CLDN16: variants seen among roughly 807,000 people sequenced by gnomAD.
CLDN16 encodes claudin-16.
Under a neutral mutation model 24.6 loss-of-function variants are expected in CLDN16, and 13 were observed. The ratio of observed to expected loss-of-function variants is 0.53; its 90% CI spans 0.34 to 0.84. The LOEUF is 0.84. CLDN16 is among the 40% of genes least tolerant of loss of function. The pLI is 0.01. For missense variants in CLDN16, 298 were observed against 292.7 expected (o/e 1.02, Z -0.13); for synonymous variants, 116 against 106.7 (o/e 1.09, Z -0.54).
At chr3:190,297,995 A>G in the CLDN16 span, among the ~76,000 whole-genome samples, 1 of 152,058 alleles carries the variant, frequency 6.6e-6, no homozygotes, top group Non-Finnish European at 1.5e-5. Context: ...AAACGCCCTA[A>G]TTCAGTTGCT....
intron 2 of CLDN16, among the ~76,000 whole-genome samples, chr3:190,371,783 C>G (rs1298819467): frequency 6.6e-6 from 1 of 151,926 alleles, no homozygotes; most frequent in Non-Finnish European, 1.5e-5. Context: ...TTTGCTCATT[C>G]CTGAACCCTA....
chr3:190,302,746 G>A, the CLDN16 span, among the ~76,000 whole-genome samples: 6 of 141,058 alleles, frequency 4.3e-5, no homozygotes, highest in African/African-American at 1.6e-4. Context: ...AATCCAGCCT[G>A]AGCAACAGGA....
the CLDN16 span, among the ~76,000 whole-genome samples, chr3:190,297,842 A>G: frequency 6.6e-6 from 1 of 150,874 alleles, no homozygotes; most frequent in Non-Finnish European, 1.5e-5. Flanking sequence ...CACATATGTC[A>G]TTTGACTTCC....
chr3:190,334,220 G>C (rs886263849), intron 1 of CLDN16, among the ~76,000 whole-genome samples: 4 of 152,238 alleles, frequency 2.6e-5, no homozygotes, highest in Non-Finnish European at 4.4e-5. Context: ...CTATACGTGT[G>C]TGTTTAGCAC....
chr3:190,295,172 T>C, the CLDN16 span, among the ~76,000 whole-genome samples: 1 of 152,182 alleles, frequency 6.6e-6, no homozygotes, highest in Non-Finnish European at 1.5e-5. Context: ...TACTTTCTCA[T>C]TTCTCTGACA....
intron 1 of CLDN16, among the ~76,000 whole-genome samples, chr3:190,334,924 C>T (rs1019613874): frequency 1.3e-5 from 2 of 152,096 alleles, no homozygotes; most frequent in Non-Finnish European, 2.9e-5. Flanking sequence ...TCTCTGGAAA[C>T]AATTTGTACT....
At chr3:190,353,227 A>G (rs925002781) in intron 1 of CLDN16, among the ~76,000 whole-genome samples, 1 of 152,018 alleles carries the variant, frequency 6.6e-6, no homozygotes, top group South Asian at 2.1e-4. Flanking sequence ...TCCAAAATTC[A>G]GAGTGACCTG....
chr3:190,354,772 G>A (rs1027826165), intron 1 of CLDN16, among the ~76,000 whole-genome samples: 2 of 152,018 alleles, frequency 1.3e-5, no homozygotes, highest in Admixed American at 6.6e-5. Context: ...AACAGCTAGC[G>A]AGAAGCAGGG....
intron 1 of CLDN16, among the ~76,000 whole-genome samples, chr3:190,390,903 A>C (rs1718639025): frequency 6.6e-6 from 1 of 152,222 alleles, no homozygotes; most frequent in East Asian, 1.9e-4. Context: ...CTCCCACCTC[A>C]GCCTCCCTAG....
intron 1 of CLDN16, among the ~76,000 whole-genome samples, chr3:190,353,619 C>G (rs534471342): frequency 6.6e-6 from 1 of 152,172 alleles, no homozygotes; most frequent in Non-Finnish European, 1.5e-5. Flanking sequence ...GCACAATATA[C>G]ACTTAAGAGT....
chr3:190,340,193 C>G (rs767240906), intron 1 of CLDN16, among the ~76,000 whole-genome samples: 1 of 152,096 alleles, frequency 6.6e-6, no homozygotes, highest in Non-Finnish European at 1.5e-5. Flanking sequence ...TATGGAAAAC[C>G]CACAGCTAAC....
upstream of CLDN16, among the ~76,000 whole-genome samples, chr3:190,320,318 G>A (rs1302023561): frequency 6.6e-6 from 1 of 152,132 alleles, no homozygotes; most frequent in African/African-American, 2.4e-5. Flanking sequence ...AGACCTCTCT[G>A]GAATTGTCCT....
the CLDN16 span, among the ~76,000 whole-genome samples, chr3:190,295,278 A>G: frequency 6.6e-6 from 1 of 152,182 alleles, no homozygotes; most frequent in South Asian, 2.1e-4. Context: ...TAAAATATCT[A>G]TGACCTGCAA....
intron 2 of CLDN16, among the ~76,000 whole-genome samples, chr3:190,404,133 A>G (rs1406097311): frequency 6.6e-6 from 1 of 152,170 alleles, no homozygotes; most frequent in Non-Finnish European, 1.5e-5. Context: ...AATATGTAAT[A>G]TTGGCCAAGA....
intron 1 of CLDN16, among the ~76,000 whole-genome samples, chr3:190,360,199 AT>A (rs1260188426): frequency 1.3e-5 from 2 of 152,052 alleles, no homozygotes; most frequent in African/African-American, 4.8e-5. Context: ...AAGGCAGAAG[AT>A]ATACAAAATT....
At chr3:190,294,787 T>C in the CLDN16 span, among the ~76,000 whole-genome samples, 1 of 152,120 alleles carries the variant, frequency 6.6e-6, no homozygotes, top group Non-Finnish European at 1.5e-5. Flanking sequence ...TAATTTAAAC[T>C]ATAAACCACA....
chr3:190,335,023 C>CTTTTTTTTTTTTTTTTTTTTTTT (rs57744577), intron 1 of CLDN16, among the ~76,000 whole-genome samples: 6 of 134,342 alleles, frequency 4.5e-5, no homozygotes, highest in Admixed American at 1.5e-4. Flanking sequence ...TTTCTTTTTT[C>CTTTTTTTTTTTTTTTTTTTTTTT]TTTTTTTTTT....
chr3:190,392,186 G>T (rs1718696590), intron 1 of CLDN16, among the ~76,000 whole-genome samples: 1 of 151,442 alleles, frequency 6.6e-6, no homozygotes, highest in Non-Finnish European at 1.5e-5. Context: ...CTAGTGGAAG[G>T]ATCCTCCATT....
intron 1 of CLDN16, among the ~76,000 whole-genome samples, chr3:190,338,992 T>C (rs1717371393): frequency 6.6e-6 from 1 of 152,190 alleles, no homozygotes; most frequent in African/African-American, 2.4e-5. Context: ...CAGAAATGCC[T>C]GAGAAGTTAC....
Sources: gnomAD v4.1 joint callset for allele counts (sites outside exome capture counted in the v4.1 genomes callset) on GRCh38, gnomAD v4.1.1 for gene constraint, MANE v1.5 for transcripts, NCBI Gene and HGNC (gene_info 2026-07-23, HGNC 2026-07-21) for gene names.